SPAG16: variants seen among roughly 807,000 people sequenced by gnomAD.
The protein encoded by SPAG16 is sperm associated antigen 16.
In SPAG16, 86 loss-of-function variants were observed where a neutral mutation model predicts 80.4. The ratio of observed to expected loss-of-function variants is 1.07; its 90% confidence interval spans 0.90 to 1.28. SPAG16 has a LOEUF of 1.28. Ranked by LOEUF, SPAG16 falls within the 50% of genes most tolerant of loss-of-function variation. The probability of loss-of-function intolerance (pLI) is 0.00; values close to 1 mark genes in which losing one functional copy is unlikely to be tolerated. For synonymous variants in SPAG16, 294 were observed against 265.9 expected, an observed-to-expected ratio of 1.11 and a Z score of -1.03; for missense variants, 870 against 765.3, an observed-to-expected ratio of 1.14 and a Z score of -1.61.
intron 12 of SPAG16, 69 bp downstream of exon 12, chr2:213,930,214 CTT>C (rs375981228): frequency 1.0e-3 from 987 of 958,116 alleles, no homozygotes; most frequent in South Asian, 3.0e-3. Flanking sequence ...TGGTAAAGTT[CTT>C]TTTTTTTTTT....
intron 15 of SPAG16, among the ~76,000 whole-genome samples, chr2:214,337,077 T>G (rs925746854): frequency 6.6e-6 from 1 of 150,528 alleles, no homozygotes. Context: ...AGAACAACCT[T>G]ATCATACTGG....
intron 12 of SPAG16, among the ~76,000 whole-genome samples, chr2:213,954,431 TCTA>T (rs2044014529): frequency 6.6e-6 from 1 of 152,148 alleles, no homozygotes; most frequent in Non-Finnish European, 1.5e-5. Flanking sequence ...TTGAAACATT[TCTA>T]CTTTTTGGTT....
chr2:214,002,451 T>C (rs1575787188), intron 12 of SPAG16, among the ~76,000 whole-genome samples: 1 of 152,216 alleles, frequency 6.6e-6, no homozygotes, highest in South Asian at 2.1e-4. Flanking sequence ...ATTAGTGTAA[T>C]TATAAAAGGT....
chr2:214,096,104 ATTC>A (rs1335816491), intron 13 of SPAG16, among the ~76,000 whole-genome samples: 1 of 152,002 alleles, frequency 6.6e-6, no homozygotes, highest in African/African-American at 2.4e-5. Context: ...CTGAGATTTC[ATTC>A]TTATTCCCTT....
chr2:213,347,134 A>G (rs1207856646), intron 6 of SPAG16, among the ~76,000 whole-genome samples: 5 of 152,116 alleles, frequency 3.3e-5, no homozygotes, highest in African/African-American at 7.2e-5. Flanking sequence ...ATGTCGAGGA[A>G]TTTATCCATT....
intron 15 of SPAG16, among the ~76,000 whole-genome samples, chr2:214,282,990 C>T (rs191530657): frequency 6.6e-6 from 1 of 152,124 alleles, no homozygotes; most frequent in East Asian, 1.9e-4. Context: ...ACAGGAGCCT[C>T]CACCTAACTC....
chr2:214,341,300 C>A (rs1303810801), intron 15 of SPAG16, among the ~76,000 whole-genome samples: 1 of 152,024 alleles, frequency 6.6e-6, no homozygotes, highest in Non-Finnish European at 1.5e-5. Context: ...ATTCATTCAA[C>A]AGCAGTTCTA....
chr2:214,162,759 T>A (rs1207273848), intron 15 of SPAG16, among the ~76,000 whole-genome samples: 1 of 152,164 alleles, frequency 6.6e-6, no homozygotes, highest in African/African-American at 2.4e-5. Context: ...GAAGCCACAC[T>A]CTTTGTACTT....
At chr2:213,946,824 C>G (rs1241278366) in intron 12 of SPAG16, among the ~76,000 whole-genome samples, 2 of 152,174 alleles carry the variant, frequency 1.3e-5, no homozygotes, top group African/African-American at 4.8e-5. Flanking sequence ...CATTTAAAAA[C>G]TCTTTCATGT....
chr2:213,351,910 T>C (rs2065349399), intron 7 of SPAG16, among the ~76,000 whole-genome samples: 2 of 152,116 alleles, frequency 1.3e-5, no homozygotes, highest in African/African-American at 4.8e-5. Flanking sequence ...CCTTGAATTG[T>C]AATCATCCCC....
At chr2:213,520,595 A>G (rs2075623721) in intron 10 of SPAG16, among the ~76,000 whole-genome samples, 1 of 152,178 alleles carries the variant, frequency 6.6e-6, no homozygotes, top group Non-Finnish European at 1.5e-5. Context: ...CTCCATCTCA[A>G]AAAAGACAAG....
intron 3 of SPAG16, among the ~76,000 whole-genome samples, chr2:213,305,384 A>G (rs1013033326): frequency 6.6e-6 from 1 of 152,094 alleles, no homozygotes; most frequent in Non-Finnish European, 1.5e-5. Flanking sequence ...TAGGACTTCC[A>G]GTACTATGTT....
chr2:213,351,039 G>C (rs1001683158), intron 7 of SPAG16, among the ~76,000 whole-genome samples: 1 of 152,058 alleles, frequency 6.6e-6, no homozygotes, highest in Non-Finnish European at 1.5e-5. Flanking sequence ...CTACGTGGGA[G>C]GCTGAGGCAT....
At chr2:214,274,758 C>T (rs778044412) in intron 15 of SPAG16, among the ~76,000 whole-genome samples, 1 of 152,066 alleles carries the variant, frequency 6.6e-6, no homozygotes, top group African/African-American at 2.4e-5. Flanking sequence ...CTAAAATTCT[C>T]TTTTTTGTTG....
At position 213,621,603 on chromosome 2, in the gene SPAG16, C is replaced by G. The variant is rs111485151; in HGVS notation, c.1070+131513C>G. On this transcript the variant is annotated intron_variant, in intron 10 of 15. Transcript: ENST00000331683. ...AAATGTACCTGGAGACAGATATTGT[C>G]AATATGACCAGGGAGAATTAATTGT... 1.5e-3 allele frequency among the ~76,000 whole-genome samples: 233 copies of G among 152,088 alleles called. 3 individuals are homozygous for G. Among genetic ancestry groups the G allele is most frequent in the African/African-American group, 4.6e-3 (189 of 41,488 alleles).
intron 10 of SPAG16, among the ~76,000 whole-genome samples, chr2:213,843,788 T>C (rs771359969): frequency 4.6e-5 from 7 of 151,926 alleles, no homozygotes; most frequent in Non-Finnish European, 8.8e-5. Flanking sequence ...GAGGCGGAGG[T>C]TGCAGTAAGC....
At chr2:213,461,467 T>C (rs2072357165) in intron 9 of SPAG16, among the ~76,000 whole-genome samples, 1 of 152,216 alleles carries the variant, frequency 6.6e-6, no homozygotes, top group Admixed American at 6.5e-5. Flanking sequence ...TGTCTTTTAG[T>C]AATGTTATTT....
intron 12 of SPAG16, among the ~76,000 whole-genome samples, chr2:213,988,079 A>G (rs1223224835): frequency 6.6e-6 from 1 of 151,952 alleles, no homozygotes; most frequent in African/African-American, 2.4e-5. Context: ...GTACTGTAAG[A>G]TAGATAAATA....
intron 13 of SPAG16, among the ~76,000 whole-genome samples, chr2:214,030,356 C>A (rs141635125): frequency 9.9e-5 from 15 of 152,158 alleles, no homozygotes; most frequent in African/African-American, 3.6e-4. Context: ...ACCATATGAT[C>A]CAGCACTCCC....
Sources: gnomAD v4.1 joint callset for allele counts (sites outside exome capture counted in the v4.1 genomes callset) on GRCh38, gnomAD v4.1.1 for gene constraint, MANE v1.5 for transcripts, NCBI Gene and HGNC (gene_info 2026-07-23, HGNC 2026-07-21) for gene names.